The following PRKG1 variants were observed in gnomAD, a reference collection of about 807,000 sequenced individuals.
PRKG1 encodes protein kinase cGMP-dependent 1, also known as cGMP-dependent protein kinase 1.
In PRKG1, 35 loss-of-function variants were observed where a neutral mutation model predicts 88.1. That is an observed-to-expected ratio of 0.40 (90% CI 0.30 to 0.53). The LOEUF (loss-of-function observed/expected upper bound fraction) is 0.53, where lower values mean the gene tolerates loss of function less well. Ranked by LOEUF, PRKG1 falls within the 20% of genes least tolerant of loss-of-function variation. The probability of loss-of-function intolerance (pLI) is 0.59; values close to 1 mark genes in which losing one functional copy is unlikely to be tolerated. For synonymous variants in PRKG1, 303 were observed against 292.5 expected (o/e 1.04, Z -0.37); for missense variants, 540 against 839.8 (o/e 0.64, Z 4.41).
chr10:51,373,343 T>A (rs1217814856), intron 2 of PRKG1, among the ~76,000 whole-genome samples: 1 of 152,212 alleles, frequency 6.6e-6, no homozygotes, highest in African/African-American at 2.4e-5. Flanking sequence ...AAACTGCAAG[T>A]AAGGCATCAG....
intron 9 of PRKG1, among the ~76,000 whole-genome samples, chr10:52,188,945 C>T (rs191963533): frequency 9.2e-5 from 14 of 152,058 alleles, no homozygotes; most frequent in Admixed American, 3.3e-4. Flanking sequence ...ACAGAGAATA[C>T]GAAACCCAAG....
chr10:51,591,658 T>G (rs1252414206), intron 3 of PRKG1, among the ~76,000 whole-genome samples: 1 of 152,166 alleles, frequency 6.6e-6, no homozygotes, highest in Non-Finnish European at 1.5e-5. Flanking sequence ...GTGGGGGTTG[T>G]TAAAAAAGCA....
intron 3 of PRKG1, among the ~76,000 whole-genome samples, chr10:51,720,425 GA>G (rs1157261156): frequency 3.9e-5 from 6 of 152,126 alleles, no homozygotes; most frequent in Non-Finnish European, 7.4e-5. Context: ...AATAATAGAA[GA>G]AAAAAACTTT....
intron 3 of PRKG1, among the ~76,000 whole-genome samples, chr10:51,714,846 C>G (rs1043243054): frequency 1.3e-5 from 2 of 152,164 alleles, no homozygotes; most frequent in East Asian, 3.8e-4. Flanking sequence ...TTTATTAGAG[C>G]TGTATGTCAT....
chr10:52,111,349 G>A (rs1564473441), intron 7 of PRKG1, among the ~76,000 whole-genome samples: 1 of 152,148 alleles, frequency 6.6e-6, no homozygotes, highest in Non-Finnish European at 1.5e-5. Context: ...CTAACACTTC[G>A]TTTTAACAAT....
intron 5 of PRKG1, chr10:51,907,944 A>C (rs1465095653): frequency 6.0e-6 from 1 of 166,452 alleles, no homozygotes; most frequent in Non-Finnish European, 1.3e-5. Context: ...GTAGTTGGGC[A>C]CATATTTTAT....
chr10:51,803,084 T>A (rs1337973496), intron 3 of PRKG1, among the ~76,000 whole-genome samples: 1 of 152,112 alleles, frequency 6.6e-6, no homozygotes, highest in Non-Finnish European at 1.5e-5. Flanking sequence ...TTAGGAATCC[T>A]CTCCTGATTT....
chr10:51,605,132 T>G (rs1838728675), intron 3 of PRKG1, among the ~76,000 whole-genome samples: 2 of 152,186 alleles, frequency 1.3e-5, no homozygotes. Flanking sequence ...CTGCCATCAC[T>G]GGTCTGGTGG....
At chr10:51,160,363 G>T (rs1227652943) in intron 2 of PRKG1, among the ~76,000 whole-genome samples, 1 of 151,694 alleles carries the variant, frequency 6.6e-6, no homozygotes, top group Non-Finnish European at 1.5e-5. Context: ...CTGTTATTTT[G>T]CTCTCTCAAA....
chr10:52,115,166 T>C (rs1847657647), intron 7 of PRKG1, among the ~76,000 whole-genome samples: 1 of 152,076 alleles, frequency 6.6e-6, no homozygotes, highest in African/African-American at 2.4e-5. Flanking sequence ...CACTTTAGTC[T>C]CTAAGGACAA....
intron 2 of PRKG1, among the ~76,000 whole-genome samples, chr10:51,279,118 T>C (rs1450674198): frequency 6.6e-6 from 1 of 152,226 alleles, no homozygotes; most frequent in Non-Finnish European, 1.5e-5. Flanking sequence ...CTCTACACAC[T>C]GCTTTAAATG....
chr10:51,462,493 T>G (rs1372294567), intron 2 of PRKG1, among the ~76,000 whole-genome samples: 1 of 152,298 alleles, frequency 6.6e-6, no homozygotes, highest in African/African-American at 2.4e-5. Flanking sequence ...CAGAAGTAGA[T>G]ATGCTATAAT....
chr10:51,472,026 T>C lies in PRKG1; in HGVS notation c.592+4190T>C, dbSNP rs73336252. ...ACTTCATTATTAATGCCAAAGAGCC[T>C]AAAAAGCCTACAAGAAATCTGACAA... On this transcript the variant is annotated intron_variant, in intron 3 of 17. Coordinates refer to ENST00000373980, the MANE Select transcript of PRKG1 (RefSeq NM_006258.4). Among the ~76,000 whole-genome samples the C allele has an allele frequency of 5.4e-3, 828 of 152,002 alleles. 7 individuals are homozygous for C. The highest frequency in any genetic ancestry group is 0.019 in the African/African-American group (789 of 41,510).
chr10:51,163,661 C>T (rs562495097), intron 2 of PRKG1, among the ~76,000 whole-genome samples: 6 of 152,304 alleles, frequency 3.9e-5, no homozygotes, highest in Non-Finnish European at 7.4e-5. Context: ...GGGTGACAGA[C>T]GGCACCTGGA....
At chr10:52,027,538 A>C (rs1845373760) in intron 5 of PRKG1, among the ~76,000 whole-genome samples, 1 of 152,196 alleles carries the variant, frequency 6.6e-6, no homozygotes, top group Non-Finnish European at 1.5e-5. Context: ...TAAACAATCC[A>C]GAGAATTACA....
intron 3 of PRKG1, among the ~76,000 whole-genome samples, chr10:51,768,990 A>AT (rs1838238713): frequency 1.3e-5 from 2 of 152,196 alleles, no homozygotes; most frequent in Admixed American, 1.3e-4. Context: ...CATCCCAGGG[A>AT]TAAAAACCTA....
chr10:51,128,281 C>T (rs1045606749), intron 1 of PRKG1, among the ~76,000 whole-genome samples: 10 of 151,886 alleles, frequency 6.6e-5, no homozygotes, highest in Non-Finnish European at 1.0e-4. Flanking sequence ...CCCAGAGTTG[C>T]ACGTATAGCA....
chr10:51,273,009 A>T (rs943073839), intron 2 of PRKG1, among the ~76,000 whole-genome samples: 10 of 152,208 alleles, frequency 6.6e-5, no homozygotes, highest in Non-Finnish European at 1.3e-4. Context: ...CAGGAAGTAC[A>T]CAACTACTAT....
At chr10:51,420,170 A>G (rs1838368862) in intron 2 of PRKG1, among the ~76,000 whole-genome samples, 1 of 152,120 alleles carries the variant, frequency 6.6e-6, no homozygotes, top group South Asian at 2.1e-4. Flanking sequence ...TGGAAGTTGA[A>G]GCGGGAGCAG....
Sources: gnomAD v4.1 joint callset for allele counts (sites outside exome capture counted in the v4.1 genomes callset) on GRCh38, gnomAD v4.1.1 for gene constraint, MANE v1.5 for transcripts, NCBI Gene and HGNC (gene_info 2026-07-23, HGNC 2026-07-21) for gene names.